The following RTL9 variants were observed in gnomAD, a reference collection of about 807,000 sequenced individuals.
The protein encoded by RTL9 is retrotransposon Gag like 9.
A neutral mutation model predicts 44.7 loss-of-function variants in RTL9; 19 were observed. The observed-to-expected ratio is 0.42, with a 90% CI of 0.30 to 0.62. The LOEUF (loss-of-function observed/expected upper bound fraction) is 0.62. Ranked by LOEUF, RTL9 falls within the 20% of genes least tolerant of loss-of-function variation. The pLI, the probability that RTL9 is intolerant of heterozygous loss-of-function variation, is 0.16. For synonymous variants in RTL9, 407 were observed against 398.9 expected (o/e 1.02, Z -0.24); for missense variants, 1,105 against 1,080.6 (o/e 1.02, Z -0.32).
upstream of RTL9, among the ~76,000 whole-genome samples, chrX:110,414,218 C>G (rs1308938043): frequency 8.9e-6 from 1 of 112,384 alleles, no homozygotes; most frequent in Admixed American, 9.3e-5. Context: ...GTTAGTCCCA[C>G]CAGAAAGTCA....
At chrX:110,439,673 G>A (rs1003723178) in intron 1 of RTL9, among the ~76,000 whole-genome samples, 6 of 111,694 alleles carry the variant, frequency 5.4e-5, no homozygotes, top group Admixed American at 1.9e-4. Context: ...TGGTGGGGGC[G>A]GTGGGGTGGT....
chrX:110,444,416 A>G (rs1342014156), intron 1 of RTL9, among the ~76,000 whole-genome samples: 1 of 112,804 alleles, frequency 8.9e-6, no homozygotes, highest in Non-Finnish European at 1.9e-5. Context: ...TCCCTAAAGC[A>G]GGTCCTTGGA....
upstream of RTL9, among the ~76,000 whole-genome samples, chrX:110,414,578 A>G (rs896323748): frequency 2.7e-5 from 3 of 113,185 alleles, no homozygotes; most frequent in African/African-American, 9.6e-5. Flanking sequence ...TGAGGCACAG[A>G]CAGGTTAAGT....
At chrX:110,412,628 C>T (rs1297894590) in intron 1 of RTL9, among the ~76,000 whole-genome samples, 1 of 112,288 alleles carries the variant, frequency 8.9e-6, no homozygotes, top group Admixed American at 9.4e-5. Context: ...GGACCTGGCA[C>T]AGAGCATTTA....
chrX:110,454,682 C>T lies in RTL9; in HGVS notation c.4047+18C>T, dbSNP rs374428490. On this transcript the variant is annotated intron_variant, in intron 1 of 1. Coordinates refer to ENST00000540313, the Ensembl canonical transcript of RTL9. ...CTGAGGAGGTAATGAGGGGGAAATC[C>T]GCTGAAGGTTTTTGAGCAGAGAAAT... 3.2e-5 allele frequency: 37 copies of T among 1,146,225 alleles called. No homozygotes were observed. The highest frequency in any genetic ancestry group is 9.0e-5 in the African/African-American group (5 of 55,355). The allele number at this position is 1,146,225 out of a possible 1,213,427, so 94.5% of individuals were successfully genotyped here.
chrX:110,418,171 G>C (rs1328965864), upstream of RTL9, among the ~76,000 whole-genome samples: 1 of 112,691 alleles, frequency 8.9e-6, no homozygotes, highest in African/African-American at 3.2e-5. Context: ...GCAGGCCGGG[G>C]ACTCTGGGTG....
At chrX:110,408,503 C>T (rs2068618437) in intron 1 of RTL9, among the ~76,000 whole-genome samples, 1 of 112,445 alleles carries the variant, frequency 8.9e-6, no homozygotes, top group African/African-American at 3.2e-5. Flanking sequence ...AACTGCTTTT[C>T]TAATTATCTA....
At chrX:110,438,052 A>G (rs1331871101) in intron 1 of RTL9, among the ~76,000 whole-genome samples, 5 of 111,417 alleles carry the variant, frequency 4.5e-5, no homozygotes, top group African/African-American at 1.6e-4. Flanking sequence ...CAAGAATAGA[A>G]TCTTCCCTTT....
intron 1 of RTL9, among the ~76,000 whole-genome samples, chrX:110,404,231 AC>A (rs1167059360): frequency 9.0e-6 from 1 of 111,488 alleles, no homozygotes; most frequent in African/African-American, 3.3e-5. Context: ...AATACCTTTA[AC>A]CTTTTCCCCT....
rs778852992 is a variant in RTL9, at chrX:110,371,000, T to G, written c.-168+12084T>G. Among the ~76,000 whole-genome samples the G allele has an allele frequency of 1.7e-4, 19 of 112,105 alleles. No individual in the cohort carries two copies. The South Asian group carries it at 2.7e-3, about 16-fold the overall frequency. On this transcript the variant is annotated intron_variant, in intron 1 of 2. Coordinates refer to the RTL9 transcript ENST00000520821. ...TAGTGCCTGCATCTCAAATACCCCT[T>G]AAGATTCCTTGCTATTATTCCTTTG...
chrX:110,407,936 A>G (rs762950863), intron 1 of RTL9, among the ~76,000 whole-genome samples: 3 of 112,390 alleles, frequency 2.7e-5, no homozygotes, highest in African/African-American at 9.7e-5. Context: ...CTGACTATCA[A>G]CGGCCTGGGT....
At chrX:110,441,434 T>C (rs778535589) in intron 1 of RTL9, among the ~76,000 whole-genome samples, 3 of 112,050 alleles carry the variant, frequency 2.7e-5, no homozygotes, top group African/African-American at 9.7e-5. Context: ...CCACTTTCAG[T>C]TGTGGGAATT....
chrX:110,383,167 C>T (rs894180729), intron 1 of RTL9, among the ~76,000 whole-genome samples: 1 of 111,649 alleles, frequency 9.0e-6, no homozygotes, highest in Non-Finnish European at 1.9e-5. Flanking sequence ...TTGCACCCAA[C>T]CTGATGGTAG....
chrX:110,396,150 T>A (rs1415032769), intron 1 of RTL9, among the ~76,000 whole-genome samples: 18 of 111,561 alleles, frequency 1.6e-4, no homozygotes, highest in Non-Finnish European at 3.8e-5. Flanking sequence ...CATCCAGTAT[T>A]AGTCATACCT....
intron 1 of RTL9, among the ~76,000 whole-genome samples, chrX:110,386,681 C>T (rs997987014): frequency 9.0e-6 from 1 of 110,920 alleles, no homozygotes; most frequent in Non-Finnish European, 1.9e-5. Flanking sequence ...TTTGTAAGTT[C>T]GCATATAATA....
At chrX:110,429,066 C>T (rs1195928782) in intron 1 of RTL9, among the ~76,000 whole-genome samples, 2 of 111,982 alleles carry the variant, frequency 1.8e-5, no homozygotes, top group African/African-American at 6.5e-5. Flanking sequence ...CAAAGCTTGT[C>T]TTCCCTGTAG....
intron 1 of RTL9, among the ~76,000 whole-genome samples, chrX:110,442,251 G>A (rs28634519): frequency 3.6e-5 from 2 of 56,325 alleles, no homozygotes; most frequent in South Asian, 5.4e-4. Flanking sequence ...CTCTCTCTGT[G>A]TGTGTGTGTG....
upstream of RTL9, among the ~76,000 whole-genome samples, chrX:110,416,378 G>A (rs1313519349): frequency 1.8e-5 from 2 of 112,212 alleles, no homozygotes; most frequent in Non-Finnish European, 3.8e-5. Flanking sequence ...CGGGCACATG[G>A]TAACTGCTTT....
intron 1 of RTL9, among the ~76,000 whole-genome samples, chrX:110,398,802 A>T (rs1230966470): frequency 3.6e-5 from 4 of 112,582 alleles, no homozygotes; most frequent in Non-Finnish European, 7.5e-5. Flanking sequence ...ATAGTATGTT[A>T]ACACTAAAAG....
Sources: gnomAD v4.1 joint callset for allele counts (sites outside exome capture counted in the v4.1 genomes callset) on GRCh38, gnomAD v4.1.1 for gene constraint, MANE v1.5 for transcripts, NCBI Gene and HGNC (gene_info 2026-07-23, HGNC 2026-07-21) for gene names.